RHOJ: variants seen among roughly 807,000 people sequenced by gnomAD.
RHOJ encodes rho-related GTP-binding protein RhoJ.
Under a neutral mutation model 23.4 loss-of-function variants are expected in RHOJ, and 11 were observed. The observed-to-expected ratio is 0.47, with a 90% CI of 0.30 to 0.78. The LOEUF (loss-of-function observed/expected upper bound fraction) is 0.78. Among genes scored for constraint, RHOJ ranks in the 30% least tolerant of loss-of-function variants. RHOJ has a pLI of 0.08. For missense variants in RHOJ, 254 were observed against 273.4 expected, an observed-to-expected ratio of 0.93 and a Z score of 0.50; for synonymous variants, 102 against 102.7, an observed-to-expected ratio of 0.99 and a Z score of 0.04.
intron 1 of RHOJ, among the ~76,000 whole-genome samples, chr14:63,220,851 C>T (rs1894476316): frequency 6.6e-6 from 1 of 152,198 alleles, no homozygotes; most frequent in Non-Finnish European, 1.5e-5. Flanking sequence ...CCCTCATACA[C>T]ACTATCCTTC....
intron 2 of RHOJ, among the ~76,000 whole-genome samples, chr14:63,270,434 C>T (rs960834177): frequency 3.3e-5 from 5 of 152,082 alleles, no homozygotes; most frequent in African/African-American, 9.7e-5. Context: ...GGTAAGCTAC[C>T]GCCAGGAACT....
At chr14:63,217,049 T>C (rs186937859) in intron 1 of RHOJ, among the ~76,000 whole-genome samples, 67 of 151,302 alleles carry the variant, frequency 4.4e-4, no homozygotes, top group South Asian at 3.4e-3. Flanking sequence ...CCATAGCTAC[T>C]TGACCTATTC....
At chr14:63,234,160 A>C (rs1335207951) in intron 1 of RHOJ, among the ~76,000 whole-genome samples, 1 of 152,194 alleles carries the variant, frequency 6.6e-6, no homozygotes, top group Non-Finnish European at 1.5e-5. Flanking sequence ...CTATTTCCCC[A>C]GATGTTCTAC....
At chr14:63,274,444 G>T (rs1881651040) in intron 2 of RHOJ, among the ~76,000 whole-genome samples, 2 of 152,144 alleles carry the variant, frequency 1.3e-5, no homozygotes, top group South Asian at 4.1e-4. Context: ...AGAGCTGTAG[G>T]AACACTGAGA....
At chr14:63,217,222 T>A (rs1229458262) in intron 1 of RHOJ, among the ~76,000 whole-genome samples, 1 of 147,278 alleles carries the variant, frequency 6.8e-6, no homozygotes, top group African/African-American at 2.5e-5. Flanking sequence ...TATCTCCCAA[T>A]GCTATCCCTC....
Position 63,276,745 on chromosome 14 carries a change from C to T in RHOJ, c.238-4226C>T, listed in dbSNP as rs138421382. Among the ~76,000 whole-genome samples, 340 of 152,316 alleles carry T rather than the reference C, an allele frequency of 2.2e-3. 1 individual carries two copies. Among genetic ancestry groups the T allele is most frequent in the African/African-American group, 7.7e-3 (319 of 41,570 alleles). ...CCTGCCCCACCTACAGTCAACCCAG[C>T]AACCCATGGTCTTCCAACTTTTCCA... On this transcript the variant is annotated intron_variant, in intron 2 of 4. Coordinates refer to ENST00000316754, the MANE Select transcript of RHOJ (RefSeq NM_020663.5).
chr14:63,257,893 C>T (rs556572516), intron 1 of RHOJ, among the ~76,000 whole-genome samples: 1 of 149,716 alleles, frequency 6.7e-6, no homozygotes, highest in Non-Finnish European at 1.5e-5. Flanking sequence ...ATCCACAGGG[C>T]TCCCTGGCAC....
At chr14:63,226,672 A>T (rs2078765334) in intron 1 of RHOJ, among the ~76,000 whole-genome samples, 1 of 151,900 alleles carries the variant, frequency 6.6e-6, no homozygotes, top group Non-Finnish European at 1.5e-5. Flanking sequence ...TAGTAATGTC[A>T]TAGACCAGAT....
intron 1 of RHOJ, among the ~76,000 whole-genome samples, chr14:63,260,872 G>A (rs568445415): frequency 9.9e-5 from 15 of 151,536 alleles, no homozygotes; most frequent in African/African-American, 3.6e-4. Flanking sequence ...ATTACCAAAT[G>A]CCCTCTTGAT....
At chr14:63,209,892 TTAAA>T (rs1198576467) in intron 1 of RHOJ, among the ~76,000 whole-genome samples, 1 of 151,852 alleles carries the variant, frequency 6.6e-6, no homozygotes, top group Non-Finnish European at 1.5e-5. Flanking sequence ...TATTCATATT[TTAAA>T]TAATCATTTT....
intron 1 of RHOJ, among the ~76,000 whole-genome samples, chr14:63,226,200 T>C (rs144007309): frequency 5.8e-4 from 89 of 152,178 alleles, no homozygotes; most frequent in African/African-American, 1.9e-3. Context: ...GGAAAAATAA[T>C]GCCATATGAT....
At chr14:63,285,445 T>G (rs892152362) in intron 4 of RHOJ, among the ~76,000 whole-genome samples, 54 of 152,344 alleles carry the variant, frequency 3.5e-4, no homozygotes, top group African/African-American at 1.2e-3. Flanking sequence ...AAGTTCAGAT[T>G]TTTCATATCT....
At chr14:63,289,280 T>C (rs1439724460) in intron 4 of RHOJ, among the ~76,000 whole-genome samples, 3 of 152,202 alleles carry the variant, frequency 2.0e-5, no homozygotes, top group Non-Finnish European at 4.4e-5. Flanking sequence ...ACATTACCAC[T>C]TGGAAGCTGA....
intron 1 of RHOJ, among the ~76,000 whole-genome samples, chr14:63,249,511 C>T (rs1463417543): frequency 6.6e-6 from 1 of 152,202 alleles, no homozygotes; most frequent in Non-Finnish European, 1.5e-5. Flanking sequence ...ATAAATTTGA[C>T]AAGAGCTGCT....
chr14:63,233,068 T>A (rs1594758514), intron 1 of RHOJ, among the ~76,000 whole-genome samples: 2 of 152,124 alleles, frequency 1.3e-5, no homozygotes, highest in African/African-American at 4.8e-5. Flanking sequence ...AGCCAAAGGA[T>A]AGGTGAGGCA....
chr14:63,253,344 C>G (rs1477109071), intron 1 of RHOJ, among the ~76,000 whole-genome samples: 1 of 152,098 alleles, frequency 6.6e-6, no homozygotes, highest in African/African-American at 2.4e-5. Flanking sequence ...TCATAGCTCA[C>G]TATAACGTCA....
In RHOJ at chr14:63,283,103, C is replaced by A; in HGVS notation, c.403-18C>A. 2 of 1,587,768 alleles carry A rather than the reference C, an allele frequency of 1.3e-6. No individual in the cohort carries two copies. The highest frequency in any genetic ancestry group is 1.7e-6 in the Non-Finnish European group (2 of 1,156,214). ...GCCTGAGAAAACAAATAAGTTTTCA[C>A]GTGTGTTTTCTTGCCAGATTGATCT... is the stretch of plus-strand genomic sequence containing the variant. On this transcript the variant is annotated intron_variant, in intron 3 of 4. Transcript: ENST00000316754.
chr14:63,255,123 C>T (rs1178482934), intron 1 of RHOJ, among the ~76,000 whole-genome samples: 1 of 152,160 alleles, frequency 6.6e-6, no homozygotes, highest in Non-Finnish European at 1.5e-5. Context: ...TCTCTTTCAT[C>T]TCTTTTTGGC....
At chr14:63,225,283 A>G (rs1894571835) in intron 1 of RHOJ, among the ~76,000 whole-genome samples, 1 of 152,156 alleles carries the variant, frequency 6.6e-6, no homozygotes, top group East Asian at 1.9e-4. Flanking sequence ...TAAAGGTTAG[A>G]AATTGATGGG....
Sources: allele counts gnomAD v4.1 joint callset (sites outside exome capture counted in the v4.1 genomes callset), GRCh38; gene constraint gnomAD v4.1.1; transcripts MANE v1.5; gene names NCBI Gene and HGNC (gene_info 2026-07-23, HGNC 2026-07-21).